Variants in THSD7B observed in about 807,000 individuals in gnomAD.
THSD7B encodes the protein thrombospondin type-1 domain-containing protein 7B.
Under a neutral mutation model 213.6 loss-of-function variants are expected in THSD7B, and 138 were observed. That is an observed-to-expected ratio of 0.65 (90% CI 0.56 to 0.74). The LOEUF is 0.74. THSD7B is among the 30% of genes least tolerant of loss of function. The pLI is 0.00. For missense variants in THSD7B, 1,931 were observed against 1,991.5 expected (o/e 0.97, Z 0.58); for synonymous variants, 742 against 687.0 (o/e 1.08, Z -1.25).
intron 12 of THSD7B, among the ~76,000 whole-genome samples, chr2:137,404,430 GATATATATATATATATATAT>G (rs59001356): frequency 4.5e-4 from 22 of 49,314 alleles, no homozygotes; most frequent in African/African-American, 1.1e-3. Flanking sequence ...GAAACTCTGA[GATATATATATATATATATAT>G]ATATATATAT....
At chr2:137,314,489 A>T (rs1684027501) in intron 12 of THSD7B, among the ~76,000 whole-genome samples, 2 of 152,162 alleles carry the variant, frequency 1.3e-5, no homozygotes, top group South Asian at 2.1e-4. Context: ...GATTGTCTGA[A>T]GCCTTCTTCT....
chr2:136,814,508 C>T (rs1294291070), intron 1 of THSD7B, among the ~76,000 whole-genome samples: 1 of 152,034 alleles, frequency 6.6e-6, no homozygotes, highest in Non-Finnish European at 1.5e-5. Flanking sequence ...ACGCCATTCT[C>T]CTGCCTCAGC....
At chr2:136,944,107 A>C (rs1684883146) in intron 2 of THSD7B, among the ~76,000 whole-genome samples, 1 of 152,130 alleles carries the variant, frequency 6.6e-6, no homozygotes, top group African/African-American at 2.4e-5. Flanking sequence ...GTTTCAAAAA[A>C]CATTTTTATT....
chr2:137,647,639 T>G (rs1683061347), intron 21 of THSD7B, among the ~76,000 whole-genome samples: 1 of 152,040 alleles, frequency 6.6e-6, no homozygotes, highest in Non-Finnish European at 1.5e-5. Context: ...AGTTAAGACT[T>G]CCTAAAATGA....
intron 14 of THSD7B, among the ~76,000 whole-genome samples, chr2:137,441,597 G>C (rs1273243467): frequency 2.0e-5 from 3 of 152,080 alleles, no homozygotes; most frequent in African/African-American, 7.2e-5. Flanking sequence ...GAATAGATTA[G>C]AAGGAAGAAA....
chr2:136,980,994 G>A (rs1011248289), intron 2 of THSD7B, among the ~76,000 whole-genome samples: 1 of 152,050 alleles, frequency 6.6e-6, no homozygotes. Context: ...AGCTGAAGAT[G>A]CAGGATTCAC....
chr2:137,226,845 T>C (rs990394089), intron 7 of THSD7B, among the ~76,000 whole-genome samples: 5 of 146,806 alleles, frequency 3.4e-5, no homozygotes, highest in African/African-American at 1.2e-4. Context: ...CCCAAATGTC[T>C]ATCGACAGAT....
chr2:137,032,351 A>G (rs1319945867), intron 2 of THSD7B, among the ~76,000 whole-genome samples: 1 of 152,034 alleles, frequency 6.6e-6, no homozygotes, highest in East Asian at 1.9e-4. Context: ...AAAAACAGAG[A>G]CCCTACCCTG....
chr2:136,767,009 T>C (rs1681410696), intron 1 of THSD7B, among the ~76,000 whole-genome samples: 1 of 151,760 alleles, frequency 6.6e-6, no homozygotes, highest in East Asian at 2.0e-4. Flanking sequence ...TACATGCGCG[T>C]GCGTGTGAAC....
intron 3 of THSD7B, among the ~76,000 whole-genome samples, chr2:137,075,414 C>T (rs959547232): frequency 3.3e-5 from 5 of 152,192 alleles, no homozygotes; most frequent in African/African-American, 4.8e-5. Flanking sequence ...ATGTAGCTCT[C>T]GTGCCTTGGT....
At chr2:137,067,268 A>G (rs182707610) in intron 3 of THSD7B, among the ~76,000 whole-genome samples, 23 of 152,254 alleles carry the variant, frequency 1.5e-4, no homozygotes, top group Admixed American at 1.3e-3. Context: ...AAAGCTGGAC[A>G]TGATGTACCA....
Position 137,283,533 on chromosome 2 carries a change from G to T in THSD7B, c.2500+7507G>T, listed in dbSNP as rs543952699. 2.4e-4 allele frequency among the ~76,000 whole-genome samples: 37 copies of T among 152,210 alleles called. No individual in the cohort carries two copies. The South Asian group carries it at 3.1e-3, about 13-fold the overall frequency. On this transcript the variant is annotated intron_variant, in intron 12 of 27. Coordinates refer to ENST00000409968, the MANE Select transcript of THSD7B (RefSeq NM_001316349.2). ...CCATTCAGTATGATATTGGCTGTGG[G>T]TTTGTCATAGATAGCTCTTATTATT...
chr2:136,974,197 T>TA (rs1228499335), intron 2 of THSD7B, among the ~76,000 whole-genome samples: 2 of 152,212 alleles, frequency 1.3e-5, no homozygotes, highest in East Asian at 3.8e-4. Flanking sequence ...TGTTTTACTT[T>TA]AAAAAATTTT....
At chr2:137,339,744 G>T (rs1314578227) in intron 12 of THSD7B, among the ~76,000 whole-genome samples, 4 of 151,480 alleles carry the variant, frequency 2.6e-5, no homozygotes, top group Non-Finnish European at 5.9e-5. Flanking sequence ...AAGGGCTGTT[G>T]TTTTTTCTCA....
intron 17 of THSD7B, among the ~76,000 whole-genome samples, chr2:137,615,393 G>A (rs888338665): frequency 6.6e-6 from 1 of 152,162 alleles, no homozygotes; most frequent in African/African-American, 2.4e-5. Context: ...ACGGTGAATA[G>A]GATTTGGAGG....
chr2:137,603,591 A>G (rs1009617916), intron 17 of THSD7B, among the ~76,000 whole-genome samples: 1 of 152,204 alleles, frequency 6.6e-6, no homozygotes, highest in Non-Finnish European at 1.5e-5. Flanking sequence ...TATAGCAAGT[A>G]TAAAAAGATA....
At chr2:136,824,584 G>A (rs549604212) in intron 1 of THSD7B, among the ~76,000 whole-genome samples, 14 of 152,204 alleles carry the variant, frequency 9.2e-5, no homozygotes, top group South Asian at 8.3e-4. Flanking sequence ...TGTTACTTGC[G>A]AAATATTTTA....
intron 2 of THSD7B, among the ~76,000 whole-genome samples, chr2:136,886,177 G>A (rs1351205571): frequency 3.9e-5 from 6 of 152,186 alleles, no homozygotes. Flanking sequence ...GTCCACATGG[G>A]GTATGTCCTC....
chr2:137,466,187 A>G (rs181919959), intron 15 of THSD7B, among the ~76,000 whole-genome samples: 32 of 152,272 alleles, frequency 2.1e-4, no homozygotes, highest in African/African-American at 6.7e-4. Context: ...AGAAGTGGTA[A>G]CAATAAAATG....
Sources: gnomAD v4.1 joint callset for allele counts (sites outside exome capture counted in the v4.1 genomes callset) on GRCh38, gnomAD v4.1.1 for gene constraint, MANE v1.5 for transcripts, NCBI Gene and HGNC (gene_info 2026-07-23, HGNC 2026-07-21) for gene names.